Variants in MTMR7 observed in about 807,000 individuals in gnomAD.
MTMR7 encodes the protein phosphatidylinositol-3-phosphate phosphatase MTMR7.
MTMR7 carries 76 observed loss-of-function variants against 81.2 expected under a neutral mutation model. That is an observed-to-expected ratio of 0.94 (90% CI 0.78 to 1.13). The LOEUF is 1.13. MTMR7 is among the 50% of genes most tolerant of loss of function. The pLI is 0.00. For missense variants in MTMR7, 1,044 were observed against 820.0 expected (o/e 1.27, Z -3.34); for synonymous variants, 372 against 289.8 (o/e 1.28, Z -2.88).
chr8:17,401,727 A>G (rs1312393968), intron 1 of MTMR7, among the ~76,000 whole-genome samples: 1 of 152,176 alleles, frequency 6.6e-6, no homozygotes, highest in African/African-American at 2.4e-5. Context: ...GGTAACTCCA[A>G]AGTTATTGGC....
At chr8:17,375,209 A>C (rs1375739311) in intron 1 of MTMR7, among the ~76,000 whole-genome samples, 1 of 152,058 alleles carries the variant, frequency 6.6e-6, no homozygotes, top group Non-Finnish European at 1.5e-5. Context: ...TCAAAACACC[A>C]AGAGCAAACA....
chr8:17,303,896 AG>A (rs1410654700), intron 12 of MTMR7, among the ~76,000 whole-genome samples: 1 of 152,188 alleles, frequency 6.6e-6, no homozygotes, highest in Non-Finnish European at 1.5e-5. Context: ...AATTTCCACA[AG>A]GGAAGTACTT....
intron 7 of MTMR7, among the ~76,000 whole-genome samples, chr8:17,318,044 TC>T (rs1385238314): frequency 2.0e-5 from 3 of 151,998 alleles, no homozygotes; most frequent in Non-Finnish European, 4.4e-5. Flanking sequence ...GAACTGAGAC[TC>T]CCTACATCAA....
At chr8:17,313,203 A>G (rs186747786) in intron 8 of MTMR7, 89 bp downstream of exon 8, 38 of 906,608 alleles carry the variant, frequency 4.2e-5, no homozygotes, top group Non-Finnish European at 4.8e-5. Context: ...GCAGCTTAAG[A>G]CAGGGAAGCC....
intron 4 of MTMR7, 23 bp downstream of exon 4, chr8:17,361,094 G>C (rs1174341404): frequency 2.5e-6 from 4 of 1,613,430 alleles, no homozygotes; most frequent in Non-Finnish European, 3.4e-6. Flanking sequence ...TGCGGCTTCA[G>C]TGTTTGGGTT....
In MTMR7 at chr8:17,312,094, A is replaced by C. The variant is rs141612338; in HGVS notation, c.976-458T>G. 7.2e-3 allele frequency among the ~76,000 whole-genome samples: 1,098 copies of C among 152,336 alleles called. 12 individuals are homozygous for C. The highest frequency in any genetic ancestry group is 0.025 in the African/African-American group (1,028 of 41,586). The stretch of plus-strand genomic sequence containing the variant: ...TCAAGTAATGGATGTAAGGTTGAGG[A>C]AAGGAAAAAACAAAAGTAAAAATGA... On this transcript the variant is annotated intron_variant, in intron 8 of 13. Coordinates refer to ENST00000180173, the MANE Select transcript of MTMR7 (RefSeq NM_004686.5).
intron 6 of MTMR7, among the ~76,000 whole-genome samples, chr8:17,338,117 A>G (rs929015899): frequency 2.0e-5 from 3 of 152,214 alleles, no homozygotes; most frequent in Non-Finnish European, 4.4e-5. Context: ...GAAAGCTCTA[A>G]GTAAACAGTT....
In MTMR7 at chr8:17,321,887, T is replaced by C. The variant is rs543354934; in HGVS notation, c.866-8486A>G. Among the ~76,000 whole-genome samples the C allele has an allele frequency of 3.3e-5, 5 of 152,264 alleles. No individual in the cohort carries two copies. In the East Asian group the frequency reaches 9.6e-4, roughly 29 times the overall value. On this transcript the variant is annotated intron_variant, in intron 7 of 13. Coordinates refer to ENST00000180173, the MANE Select transcript of MTMR7 (RefSeq NM_004686.5). ...AAAATAAAAAAGCAAAGACAAAAGA[T>C]ATAATTTTAGGACCTCTGCAAATGT...
At chr8:17,355,815 C>T (rs1479786350) in intron 4 of MTMR7, among the ~76,000 whole-genome samples, 1 of 152,118 alleles carries the variant, frequency 6.6e-6, no homozygotes, top group Non-Finnish European at 1.5e-5. Flanking sequence ...TCAACATGAA[C>T]AGCCAAGAAA....
intron 1 of MTMR7, among the ~76,000 whole-genome samples, chr8:17,391,040 G>T (rs1198552160): frequency 6.6e-6 from 1 of 152,190 alleles, no homozygotes; most frequent in African/African-American, 2.4e-5. Flanking sequence ...AGCCAGCCAT[G>T]GGGGTATCTG....
intron 5 of MTMR7, among the ~76,000 whole-genome samples, chr8:17,347,478 C>G (rs995647700): frequency 9.2e-5 from 14 of 152,286 alleles, no homozygotes; most frequent in Admixed American, 2.6e-4. Context: ...TAGAATCTGA[C>G]TGAGACCCTG....
intron 1 of MTMR7, among the ~76,000 whole-genome samples, chr8:17,373,525 C>T (rs1023800722): frequency 4.6e-5 from 7 of 152,050 alleles, no homozygotes; most frequent in Non-Finnish European, 8.8e-5. Flanking sequence ...CAATGGTCAA[C>T]GCTTTCATTT....
intron 1 of MTMR7, among the ~76,000 whole-genome samples, chr8:17,373,553 A>G (rs1340032517): frequency 6.6e-6 from 1 of 152,190 alleles, no homozygotes; most frequent in Admixed American, 6.5e-5. Context: ...ATTATATTAC[A>G]TTTCTAATTT....
chr8:17,324,627 T>C (rs1298503842), intron 7 of MTMR7, among the ~76,000 whole-genome samples: 1 of 152,234 alleles, frequency 6.6e-6, no homozygotes, highest in African/African-American at 2.4e-5. Context: ...TTCCTTCTTC[T>C]AAATGACCAT....
At chr8:17,340,467 G>A (rs1345593326) in intron 6 of MTMR7, among the ~76,000 whole-genome samples, 1 of 152,170 alleles carries the variant, frequency 6.6e-6, no homozygotes, top group African/African-American at 2.4e-5. Context: ...ATCTCATTCT[G>A]TCTGCTGTAG....
At chr8:17,402,039 AAAC>A (rs1353291810) in intron 1 of MTMR7, among the ~76,000 whole-genome samples, 1 of 152,202 alleles carries the variant, frequency 6.6e-6, no homozygotes, top group Non-Finnish European at 1.5e-5. Context: ...AGTCTGATAT[AAAC>A]AAGACATAAT....
chr8:17,353,018 C>G (rs969209269), intron 4 of MTMR7, among the ~76,000 whole-genome samples: 1 of 152,164 alleles, frequency 6.6e-6, no homozygotes, highest in African/African-American at 2.4e-5. Flanking sequence ...GAGCATTATT[C>G]ACAGCCAAGA....
At chr8:17,362,112 A>G (rs537237450) in intron 3 of MTMR7, among the ~76,000 whole-genome samples, 3 of 152,318 alleles carry the variant, frequency 2.0e-5, no homozygotes, top group African/African-American at 7.2e-5. Flanking sequence ...AATGTGAGCT[A>G]TGTATGTCAT....
rs561894156 is a variant in MTMR7 at position 17,372,459 on chromosome 8, G to A, written c.147+659C>T. 1.3e-4 allele frequency among the ~76,000 whole-genome samples: 20 copies of A among 152,174 alleles called. No individual in the cohort carries two copies. The East Asian group carries it at 2.5e-3, about 19-fold the overall frequency. ...AAAAGTCAGCCAGGCGTGGTGGCGC[G>A]TGACTGTAGTCCCAGCTACTCAGGA... On this transcript the variant is annotated intron_variant, in intron 2 of 13. Transcript: ENST00000180173.
Sources: allele counts gnomAD v4.1 joint callset (sites outside exome capture counted in the v4.1 genomes callset), GRCh38; gene constraint gnomAD v4.1.1; transcripts MANE v1.5; gene names NCBI Gene and HGNC (gene_info 2026-07-23, HGNC 2026-07-21).